The following RAD51B variants were observed in gnomAD, a reference collection of about 807,000 sequenced individuals.
RAD51B encodes the protein RAD51 paralog B, also known as DNA repair protein RAD51 homolog 2.
A neutral mutation model predicts 42.2 loss-of-function variants in RAD51B; 38 were observed. The ratio of observed to expected loss-of-function variants is 0.90; its 90% CI spans 0.70 to 1.18. The LOEUF (loss-of-function observed/expected upper bound fraction) is 1.18. Among genes scored for constraint, RAD51B ranks in the 50% most tolerant of loss-of-function variants. The pLI is 0.00. For synonymous variants in RAD51B, 154 were observed against 145.2 expected, an observed-to-expected ratio of 1.06 and a Z score of -0.43; for missense variants, 373 against 400.7, an observed-to-expected ratio of 0.93 and a Z score of 0.59.
At chr14:68,042,346 C>T (rs1043855743) in intron 7 of RAD51B, among the ~76,000 whole-genome samples, 4 of 152,032 alleles carry the variant, frequency 2.6e-5, no homozygotes, top group Admixed American at 1.3e-4. Context: ...CTTTGAATAG[C>T]GTTAAAGGGG....
downstream of RAD51B, among the ~76,000 whole-genome samples, chr14:68,479,648 G>GGTCTTTCTT (rs969784151): frequency 6.7e-6 from 1 of 149,466 alleles, no homozygotes; most frequent in African/African-American, 2.5e-5. Context: ...GTTTGGGGGT[G>GGTCTTTCTT]GTCTTTCTTC....
At chr14:68,071,997 T>C (rs182157967) in intron 7 of RAD51B, among the ~76,000 whole-genome samples, 1 of 142,912 alleles carries the variant, frequency 7.0e-6, no homozygotes, top group Non-Finnish European at 1.5e-5. Flanking sequence ...ATGTTGTATG[T>C]TTCCAGGAAT....
intron 10 of RAD51B, among the ~76,000 whole-genome samples, chr14:68,571,226 C>T (rs1042864928): frequency 6.6e-6 from 1 of 152,228 alleles, no homozygotes; most frequent in Non-Finnish European, 1.5e-5. Context: ...CATGTCAGTT[C>T]AAACCAGATT....
chr14:68,190,037 G>T (rs1566716858), intron 7 of RAD51B, among the ~76,000 whole-genome samples: 1 of 152,084 alleles, frequency 6.6e-6, no homozygotes, highest in Non-Finnish European at 1.5e-5. Flanking sequence ...GAAGTGGAAT[G>T]ATTTCAAATT....
At chr14:67,858,324 G>T (rs1011261043) in intron 4 of RAD51B, among the ~76,000 whole-genome samples, 1 of 152,206 alleles carries the variant, frequency 6.6e-6, no homozygotes, top group Admixed American at 6.5e-5. Context: ...ATTGAGCGAT[G>T]AAAATGACTC....
chr14:67,976,471 A>G (rs1316689818), intron 7 of RAD51B, among the ~76,000 whole-genome samples: 1 of 151,110 alleles, frequency 6.6e-6, no homozygotes, highest in East Asian at 1.9e-4. Context: ...TATTTTTATT[A>G]TTATTATACT....
At chr14:68,350,696 T>C (rs8009876) in intron 8 of RAD51B, among the ~76,000 whole-genome samples, 133,921 of 152,290 alleles carry the variant, frequency 0.88, 59,171 homozygotes, top group East Asian at 0.99. Context: ...TAGACAGTTT[T>C]CCTGATTTAG....
intron 7 of RAD51B, among the ~76,000 whole-genome samples, chr14:68,068,355 A>G (rs186149217): frequency 1.3e-5 from 2 of 152,034 alleles, no homozygotes; most frequent in East Asian, 3.9e-4. Context: ...ATTTCATAGA[A>G]CTCTATCATA....
chr14:68,584,106 C>A (rs762364421), intron 10 of RAD51B, among the ~76,000 whole-genome samples: 1 of 152,186 alleles, frequency 6.6e-6, no homozygotes, highest in African/African-American at 2.4e-5. Context: ...TTCTGCCCAA[C>A]ACCTCGTGCC....
At chr14:68,069,901 C>T (rs2076713542) in intron 7 of RAD51B, among the ~76,000 whole-genome samples, 1 of 152,128 alleles carries the variant, frequency 6.6e-6, no homozygotes, top group Non-Finnish European at 1.5e-5. Context: ...TACATTCTCA[C>T]CAGCAGTGTA....
chr14:68,412,318 G>A (rs1014342745), intron 9 of RAD51B, among the ~76,000 whole-genome samples: 1 of 152,152 alleles, frequency 6.6e-6, no homozygotes, highest in African/African-American at 2.4e-5. Context: ...GGAAGAAGAC[G>A]GGTGATTATT....
At chr14:67,845,284 A>G (rs1198645639) in intron 4 of RAD51B, among the ~76,000 whole-genome samples, 1 of 152,178 alleles carries the variant, frequency 6.6e-6, no homozygotes, top group Non-Finnish European at 1.5e-5. Context: ...GACCTCTCGT[A>G]AGGCAGGTCT....
chr14:68,004,332 CAA>C (rs767211363), intron 7 of RAD51B, among the ~76,000 whole-genome samples: 6,725 of 57,424 alleles, frequency 0.12, 371 homozygotes, highest in African/African-American at 0.25. Flanking sequence ...GACTCCGTCT[CAA>C]AAAAAAAAAA....
Position 68,357,611 on chromosome 14 carries a change from A to G in RAD51B, c.854-53813A>G, listed in dbSNP as rs73274176. Among the ~76,000 whole-genome samples, 1,356 of 152,284 alleles carry G rather than the reference A, an allele frequency of 8.9e-3. 21 individuals carry two copies. Among genetic ancestry groups the G allele is most frequent in the African/African-American group, 0.032 (1,315 of 41,540 alleles). On this transcript the variant is annotated intron_variant, in intron 8 of 10. Transcript: ENST00000471583. ...TATTTCTTAAATAATAAGTCTTAAA[A>G]GTCAAAATTACTCCTTGATCCATGG...
In RAD51B at chr14:67,997,326, C is replaced by A. The variant is rs563911474; in HGVS notation, c.756+110122C>A. Among the ~76,000 whole-genome samples, 3 of 152,088 alleles carry A rather than the reference C, an allele frequency of 2.0e-5. No individual in the cohort carries two copies. The South Asian group carries it at 6.2e-4, about 32-fold the overall frequency. On this transcript the variant is annotated intron_variant, in intron 7 of 10. Coordinates refer to ENST00000471583, the MANE Select transcript of RAD51B (RefSeq NM_133510.4). The stretch of plus-strand genomic sequence containing the variant: ...GGCAAAGTAGGGGAAAAGAGGGAAC[C>A]AACAAAGGAGACTGAGAAGAAGCAA...
At chr14:68,299,362 G>GA (rs372985448) in intron 8 of RAD51B, among the ~76,000 whole-genome samples, 98 of 152,178 alleles carry the variant, frequency 6.4e-4, no homozygotes, top group African/African-American at 2.3e-3. Flanking sequence ...AATAGTAGGG[G>GA]AAAAATGGAT....
At chr14:68,240,153 G>T (rs2080351774) in intron 7 of RAD51B, among the ~76,000 whole-genome samples, 1 of 152,172 alleles carries the variant, frequency 6.6e-6, no homozygotes, top group Admixed American at 6.5e-5. Flanking sequence ...TATAAAGACT[G>T]CCTTGGATCT....
downstream of RAD51B, among the ~76,000 whole-genome samples, chr14:68,596,184 A>G (rs995036762): frequency 4.6e-5 from 7 of 152,174 alleles, no homozygotes; most frequent in African/African-American, 1.7e-4. Flanking sequence ...CAACACCACC[A>G]GGGTGAATTT....
chr14:68,459,958 C>A (rs916003096), intron 9 of RAD51B, among the ~76,000 whole-genome samples: 2 of 152,150 alleles, frequency 1.3e-5, no homozygotes, highest in African/African-American at 2.4e-5. Flanking sequence ...AGGAAGAATT[C>A]ATGACTGGTG....
Sources: gnomAD v4.1 joint callset for allele counts (sites outside exome capture counted in the v4.1 genomes callset) on GRCh38, gnomAD v4.1.1 for gene constraint, MANE v1.5 for transcripts, NCBI Gene and HGNC (gene_info 2026-07-23, HGNC 2026-07-21) for gene names.